CYP2C19: variants seen among roughly 807,000 people sequenced by gnomAD.
The protein encoded by CYP2C19 is cytochrome P450 2C19.
A neutral mutation model predicts 40.9 loss-of-function variants in CYP2C19; 59 were observed. That is an observed-to-expected ratio of 1.44 (90% CI 1.17 to 1.79). The LOEUF (loss-of-function observed/expected upper bound fraction) is 1.79, where lower values mean the gene tolerates loss of function less well. Among genes scored for constraint, CYP2C19 ranks in the 40% most tolerant of loss-of-function variants. The pLI is 0.00. For synonymous variants in CYP2C19, 253 were observed against 208.7 expected, an observed-to-expected ratio of 1.21 and a Z score of -1.83; for missense variants, 754 against 596.9, an observed-to-expected ratio of 1.26 and a Z score of -2.74.
intron 5 of CYP2C19, among the ~76,000 whole-genome samples, chr10:94,790,535 A>T (rs1184270382): frequency 6.6e-6 from 1 of 152,110 alleles, no homozygotes; most frequent in East Asian, 1.9e-4. Flanking sequence ...TACCTAATTT[A>T]TTGAGAGTTT....
intron 5 of CYP2C19, among the ~76,000 whole-genome samples, chr10:94,804,804 C>A (rs763822019): frequency 6.6e-6 from 1 of 152,180 alleles, no homozygotes; most frequent in African/African-American, 2.4e-5. Flanking sequence ...CAAAGTTGAT[C>A]TTTATGTACT....
At chr10:94,849,146 G>T (rs1849614873) in intron 7 of CYP2C19, among the ~76,000 whole-genome samples, 1 of 152,074 alleles carries the variant, frequency 6.6e-6, no homozygotes. Context: ...GAACATCCCT[G>T]TCTTGTGCCT....
intron 1 of CYP2C19, among the ~76,000 whole-genome samples, chr10:94,770,013 G>A (rs1301846415): frequency 6.6e-6 from 1 of 152,186 alleles, no homozygotes; most frequent in Non-Finnish European, 1.5e-5. Flanking sequence ...GAAATACCTG[G>A]TTACAGGCTG....
At chr10:94,805,493 T>C (rs931526112) in intron 5 of CYP2C19, among the ~76,000 whole-genome samples, 8 of 152,228 alleles carry the variant, frequency 5.3e-5, no homozygotes, top group Admixed American at 1.3e-4. Flanking sequence ...GTATAGTGTA[T>C]TGGCATTGAT....
chr10:94,807,356 G>A (rs1848849288), intron 5 of CYP2C19, among the ~76,000 whole-genome samples: 1 of 152,038 alleles, frequency 6.6e-6, no homozygotes, highest in African/African-American at 2.4e-5. Flanking sequence ...AAGTAAATAT[G>A]GAAGTATAAC....
At chr10:94,775,643 C>A in intron 3 of CYP2C19, 104 bp downstream of exon 3, 1 of 1,593,160 alleles carries the variant, frequency 6.3e-7, no homozygotes, top group Non-Finnish European at 8.6e-7. Flanking sequence ...ATTTGGAGTC[C>A]TGGTTGTTAG....
intron 6 of CYP2C19, among the ~76,000 whole-genome samples, chr10:94,830,264 C>T (rs1313049893): frequency 1.3e-5 from 2 of 152,260 alleles, no homozygotes; most frequent in Non-Finnish European, 2.9e-5. Flanking sequence ...CTTGCTGCCA[C>T]CTTGCAGTTT....
chr10:94,820,800 C>T (rs905288856), intron 6 of CYP2C19, among the ~76,000 whole-genome samples, 163 bp downstream of exon 6: 1 of 152,176 alleles, frequency 6.6e-6, no homozygotes, highest in East Asian at 1.9e-4. Context: ...AATGGAATAT[C>T]CTGGCCTGGT....
At chr10:94,795,562 C>T (rs1275227039) in intron 5 of CYP2C19, among the ~76,000 whole-genome samples, 1 of 150,692 alleles carries the variant, frequency 6.6e-6, no homozygotes, top group Non-Finnish European at 1.5e-5. Context: ...AGTTCTATAT[C>T]CCTGAGGAAT....
In CYP2C19 at chr10:94,806,844, C is replaced by G. The variant is rs1026081978; in HGVS notation, c.820-13652C>G. ...ATGTATACAATGTGTAATGATCAAG[C>G]AGGATGATTAGCATATCTATAACCT... On this transcript the variant is annotated intron_variant, in intron 5 of 8. Coordinates refer to ENST00000371321, the MANE Select transcript of CYP2C19 (RefSeq NM_000769.4). Among the ~76,000 whole-genome samples the G allele has an allele frequency of 2.6e-5, 4 of 151,616 alleles. No individual in the cohort carries two copies. In the East Asian group the frequency reaches 7.7e-4, roughly 29 times the overall value.
chr10:94,762,970 C>A (rs1292191572), intron 1 of CYP2C19, 97 bp downstream of exon 1: 3 of 1,292,012 alleles, frequency 2.3e-6, no homozygotes, highest in African/African-American at 1.5e-5. Context: ...TACAAGAGAT[C>A]ATTGTAAAGT....
intron 8 of CYP2C19, among the ~76,000 whole-genome samples, chr10:94,850,329 A>G (rs750106589): frequency 1.3e-5 from 2 of 152,180 alleles, no homozygotes. Context: ...CCACTGAGGT[A>G]CTCAAGAACT....
At chr10:94,798,912 C>T (rs188767482) in intron 5 of CYP2C19, among the ~76,000 whole-genome samples, 1 of 143,574 alleles carries the variant, frequency 7.0e-6, no homozygotes, top group East Asian at 2.1e-4. Context: ...ATGTGAGATG[C>T]ATCTCCTGAA....
rs115900265 is a variant in CYP2C19 at position 94,808,260 on chromosome 10, T to C, written c.820-12236T>C. On this transcript the variant is annotated intron_variant, in intron 5 of 8. Transcript: ENST00000371321. ...TAGGCCAGTATAATGTTATTTTAGA[T>C]ATTATAGATTTATAGTAATTTTTGT... 3.1e-3 allele frequency among the ~76,000 whole-genome samples: 473 copies of C among 151,662 alleles called. 3 individuals are homozygous for C. The highest frequency in any genetic ancestry group is 0.011 in the African/African-American group (446 of 41,310).
At chr10:94,784,599 G>A (rs1193511350) in intron 5 of CYP2C19, among the ~76,000 whole-genome samples, 1 of 151,926 alleles carries the variant, frequency 6.6e-6, no homozygotes, top group African/African-American at 2.4e-5. Context: ...ATGTAAAGTG[G>A]TATCTCATTA....
chr10:94,807,065 CTAG>C (rs1376647174), intron 5 of CYP2C19, among the ~76,000 whole-genome samples: 11 of 152,104 alleles, frequency 7.2e-5, no homozygotes, highest in African/African-American at 2.2e-4. Flanking sequence ...TCTACCTCTA[CTAG>C]CTACCATTCT....
At chr10:94,829,728 G>T (rs372116953) in intron 6 of CYP2C19, among the ~76,000 whole-genome samples, 1 of 151,452 alleles carries the variant, frequency 6.6e-6, no homozygotes, top group African/African-American at 2.4e-5. Context: ...GAGGAGAGGC[G>T]CTCTGCTTTT....
At chr10:94,849,545 T>C (rs1245864877) in intron 7 of CYP2C19, among the ~76,000 whole-genome samples, 1 of 151,764 alleles carries the variant, frequency 6.6e-6, no homozygotes, top group Non-Finnish European at 1.5e-5. Context: ...GTTTGTTACA[T>C]ATGTATACAT....
intron 6 of CYP2C19, among the ~76,000 whole-genome samples, chr10:94,827,078 G>A (rs1474329881): frequency 7.9e-5 from 12 of 151,850 alleles, no homozygotes; most frequent in East Asian, 3.9e-4. Context: ...ATTTTATTGA[G>A]GATTTTTGCA....
Sources: gnomAD v4.1 joint callset for allele counts (sites outside exome capture counted in the v4.1 genomes callset) on GRCh38, gnomAD v4.1.1 for gene constraint, MANE v1.5 for transcripts, NCBI Gene and HGNC (gene_info 2026-07-23, HGNC 2026-07-21) for gene names.